WDFY3: variants seen among roughly 807,000 people sequenced by gnomAD.
WDFY3 encodes WD repeat and FYVE domain containing 3.
Under a neutral mutation model 409.6 loss-of-function variants are expected in WDFY3, and 66 were observed. That is an observed-to-expected ratio of 0.16 (90% CI 0.13 to 0.20). The LOEUF (loss-of-function observed/expected upper bound fraction) is 0.20, where lower values mean the gene tolerates loss of function less well. Ranked by LOEUF, WDFY3 falls within the 10% of genes least tolerant of loss-of-function variation. The pLI is 1.00. For synonymous variants in WDFY3, 1,521 were observed against 1,537.1 expected, an observed-to-expected ratio of 0.99 and a Z score of 0.25; for missense variants, 3,031 against 4,298.1, an observed-to-expected ratio of 0.71 and a Z score of 8.24.
rs749400574 is a variant in WDFY3 at position 84,672,900 on chromosome 4, T to C, written c.10549A>G (p.Arg3517Gly). The part of the protein sequence containing the change: ...QNCYYNLQHE[R>G]GSEDGPRNC ...TTTCGAGGCCCATCTTCTGAACCTC[T>C]CTCATGCTGTAAGTTATAATAACAG... is the stretch of plus-strand genomic sequence containing the variant. Residue 3517 changes from arginine to glycine, a missense_variant, in exon 68 of 68, where the codon AGA (arginine) becomes GGA (glycine). By Grantham distance (125) the Arg-to-Gly change is moderately radical. Coordinates refer to ENST00000295888, the MANE Select transcript of WDFY3 (RefSeq NM_014991.6). 6.2e-7 allele frequency: 1 copy of C among 1,613,966 alleles called. No individual in the cohort carries two copies. Among genetic ancestry groups the C allele is most frequent in the African/African-American group, 1.3e-5 (1 of 74,912 alleles).
In WDFY3 at chr4:84,740,171, A is replaced by T. The variant is rs762897429; in HGVS notation, c.6464+16T>A. The T allele has an allele frequency of 6.2e-7, 1 of 1,612,998 alleles. No homozygotes were observed. Among genetic ancestry groups the T allele is most frequent in the Non-Finnish European group, 8.5e-7 (1 of 1,179,024 alleles). ...AAGCCAAATTTAACATGGCAAACTG[A>T]ACCTAAAGGATTTACCTTCCAACAT... On this transcript the variant is annotated intron_variant, in intron 39 of 67. Coordinates refer to ENST00000295888, the MANE Select transcript of WDFY3 (RefSeq NM_014991.6).
chr4:84,677,964 A>AAC (rs1560510599), intron 66 of WDFY3, among the ~76,000 whole-genome samples: 2 of 148,420 alleles, frequency 1.3e-5, no homozygotes, highest in African/African-American at 5.0e-5. Context: ...CCTGTCTCAA[A>AAC]AAAAAAAAAA....
At chr4:84,715,762 G>A (rs1407144804) in intron 49 of WDFY3, among the ~76,000 whole-genome samples, 7 of 134,854 alleles carry the variant, frequency 5.2e-5, no homozygotes, top group Admixed American at 1.6e-4. Flanking sequence ...GCAACAGAGC[G>A]AGACTCTGTC....
At position 84,688,146 on chromosome 4, in the gene WDFY3, A is replaced by C. The variant is rs1344405215; in HGVS notation, c.9483T>G (p.Phe3161Leu). 6.2e-7 allele frequency: 1 copy of C among 1,614,198 alleles called. No homozygotes were observed. ...CIIWDLNKLSFLTQLRGHRAP... is the reference protein window; with the variant it reads ...CIIWDLNKLSLLTQLRGHRAP... ...CTCGATGCCCTCGAAGCTGGGTTAG[A>C]AATGACAGTTTGTTCAAATCCCAAA... The change falls in exon 62 of 68, where the codon TTT becomes TTG. Residue 3161 changes from phenylalanine (F) to leucine (L), a missense_variant. Physicochemically the swap from Phe to Leu is conservative, Grantham distance 22 (BLOSUM62 0). Coordinates refer to ENST00000295888, the MANE Select transcript of WDFY3 (RefSeq NM_014991.6).
chr4:84,886,552 T>C (rs1764254888), intron 3 of WDFY3: 1 of 151,906 alleles, frequency 6.6e-6, no homozygotes, highest in South Asian at 2.1e-4. Flanking sequence ...GCCATTTTGG[T>C]CCTTTTAATC....
chr4:84,913,888 A>G lies in WDFY3; in HGVS notation c.-131-16878T>C, dbSNP rs539528841. On this transcript the variant is annotated intron_variant, in intron 2 of 67. Transcript: ENST00000295888. ...CACCTCTTCTGCTTCTGCCACTCCTAAGACTGCCAAGACCAACCCCTTCTC... is the reference window on the plus strand; with the variant it reads ...CACCTCTTCTGCTTCTGCCACTCCTGAGACTGCCAAGACCAACCCCTTCTC... Among the ~76,000 whole-genome samples, 7 of 151,976 alleles carry G rather than the reference A, an allele frequency of 4.6e-5. No individual in the cohort carries two copies. In the East Asian group the frequency reaches 1.4e-3, roughly 30 times the overall value.
chr4:84,912,247 C>A (rs1041551839), intron 2 of WDFY3, among the ~76,000 whole-genome samples: 1 of 152,148 alleles, frequency 6.6e-6, no homozygotes, highest in Non-Finnish European at 1.5e-5. Context: ...TTGCTTGATA[C>A]GTACCTTAGA....
chr4:84,849,985 A>C lies in WDFY3; in HGVS notation c.221T>G (p.Phe74Cys). The change falls in exon 5 of 68, where the codon TTT becomes TGT. Residue 74 changes from phenylalanine to cysteine, a missense_variant. Physicochemically the swap from Phe to Cys is radical, Grantham distance 205. Coordinates refer to ENST00000295888, the MANE Select transcript of WDFY3 (RefSeq NM_014991.6). ...NAPPNTMTEK[F>C]SDLLQFTTQV... ...TGTTGTGAACTGCAGAAGATCAGAAAATTTTTCTGTCATTGTATTCGGCGG... is the reference window on the plus strand; with the variant it reads ...TGTTGTGAACTGCAGAAGATCAGAACATTTTTCTGTCATTGTATTCGGCGG... 1.2e-6 allele frequency: 2 copies of C among 1,608,682 alleles called. No individual in the cohort carries two copies. The highest frequency in any genetic ancestry group is 1.7e-6 in the Non-Finnish European group (2 of 1,177,788).
chr4:84,820,733 TA>T (rs1560843691), intron 11 of WDFY3, among the ~76,000 whole-genome samples: 2 of 152,140 alleles, frequency 1.3e-5, no homozygotes, highest in Non-Finnish European at 2.9e-5. Context: ...CTATATTTAT[TA>T]GTTGTAATTA....
rs757330136 is a variant in WDFY3, at chr4:84,808,385, C to T, written c.2378G>A (p.Ser793Asn). Residue 793 changes from serine to asparagine, a missense_variant, in exon 15 of 68, where the codon AGT (serine) becomes AAT (asparagine). Coordinates refer to ENST00000295888, the MANE Select transcript of WDFY3 (RefSeq NM_014991.6). ...RAEQIPPCLTSESSLPSPWGT... is the reference protein window; with the variant it reads ...RAEQIPPCLTNESSLPSPWGT... ...CCAAGGAGAGGGGAGAGAAGACTCA[C>T]TTGTCAGGCAAGGAGGGATCTGTTC... 1 of 1,613,958 alleles carries T rather than the reference C, an allele frequency of 6.2e-7. No individual in the cohort carries two copies. Among genetic ancestry groups the T allele is most frequent in the South Asian group, 1.1e-5 (1 of 91,082 alleles).
chr4:84,733,663 C>T (rs1736977118), intron 43 of WDFY3, 54 bp from the exon 44 acceptor site: 1 of 1,455,024 alleles, frequency 6.9e-7, no homozygotes, highest in African/African-American at 1.4e-5. Flanking sequence ...GTAACAGTAA[C>T]AAGTCTACAA....
chr4:84,805,743 C>T (rs1751401470), intron 15 of WDFY3, among the ~76,000 whole-genome samples: 1 of 152,180 alleles, frequency 6.6e-6, no homozygotes, highest in South Asian at 2.1e-4. Flanking sequence ...TGTAGAGGCA[C>T]TAAGTAATGG....
chr4:84,700,570 A>G (rs1730915263), intron 56 of WDFY3, among the ~76,000 whole-genome samples: 1 of 152,224 alleles, frequency 6.6e-6, no homozygotes, highest in African/African-American at 2.4e-5. Flanking sequence ...GGTGAACATG[A>G]TAAAGATACA....
chr4:84,813,587 C>G (rs1467999624), intron 13 of WDFY3, among the ~76,000 whole-genome samples: 1 of 152,070 alleles, frequency 6.6e-6, no homozygotes, highest in African/African-American at 2.4e-5. Context: ...AGTATTTATA[C>G]CCTGGAAATC....
intron 44 of WDFY3, among the ~76,000 whole-genome samples, chr4:84,730,632 G>A (rs888244794): frequency 6.6e-6 from 1 of 152,110 alleles, no homozygotes; most frequent in Non-Finnish European, 1.5e-5. Flanking sequence ...TCAGAGGGCT[G>A]TTATAAGACT....
At chr4:84,752,125 T>C (rs78454152) in intron 35 of WDFY3, among the ~76,000 whole-genome samples, 5,937 of 152,064 alleles carry the variant, frequency 0.039, 358 homozygotes, top group African/African-American at 0.14. Context: ...CCATTTATTA[T>C]AGGTTAAAAA....
In WDFY3 at chr4:84,826,798, G is replaced by A. The variant is rs1393195962; in HGVS notation, c.1123+17C>T. ...CTATTTCTCTCAGTAGCACAGAAGG[G>A]AAAAAACAAGACTCACCTTTGCCTG... On this transcript the variant is annotated intron_variant, in intron 10 of 67. Transcript: ENST00000295888. 1 of 1,576,890 alleles carries A rather than the reference G, an allele frequency of 6.3e-7. No homozygotes were observed. The highest frequency in any genetic ancestry group is 1.4e-5 in the African/African-American group (1 of 72,502).
At chr4:84,925,865 G>A (rs1482265878) in intron 2 of WDFY3, among the ~76,000 whole-genome samples, 1 of 151,830 alleles carries the variant, frequency 6.6e-6, no homozygotes, top group Non-Finnish European at 1.5e-5. Flanking sequence ...GAATATATGT[G>A]GCAAAATGTT....
At chr4:84,922,110 T>C (rs544745124) in intron 2 of WDFY3, among the ~76,000 whole-genome samples, 121 of 152,208 alleles carry the variant, frequency 7.9e-4, no homozygotes, top group Non-Finnish European at 1.6e-3. Flanking sequence ...GTATTCTACT[T>C]GAGCACCTAC....
Sources: allele counts gnomAD v4.1 joint callset (sites outside exome capture counted in the v4.1 genomes callset), GRCh38; gene constraint gnomAD v4.1.1; transcripts MANE v1.5; gene names NCBI Gene and HGNC (gene_info 2026-07-23, HGNC 2026-07-21).